The following PACSIN2 variants were observed in gnomAD, a reference collection of about 807,000 sequenced individuals.
PACSIN2 encodes the protein protein kinase C and casein kinase substrate in neurons 2.
Under a neutral mutation model 63.8 loss-of-function variants are expected in PACSIN2, and 25 were observed. The ratio of observed to expected loss-of-function variants is 0.39; its 90% confidence interval spans 0.29 to 0.55. The LOEUF is 0.55. Among genes scored for constraint, PACSIN2 ranks in the 20% least tolerant of loss-of-function variants. The pLI is 0.62. For missense variants in PACSIN2, 518 were observed against 646.9 expected (o/e 0.80, Z 2.16); for synonymous variants, 255 against 256.2 (o/e 1.00, Z 0.05).
chr22:42,909,357 T>G (rs190056596), intron 2 of PACSIN2: 679 of 351,180 alleles, frequency 1.9e-3, no homozygotes, highest in Non-Finnish European at 2.8e-3. Context: ...AAAAAACTTT[T>G]CCACCTCAAG....
intron 1 of PACSIN2, among the ~76,000 whole-genome samples, chr22:42,987,449 A>AACACACACACAC (rs745523623): frequency 4.6e-5 from 4 of 87,090 alleles, no homozygotes; most frequent in Non-Finnish European, 6.4e-5. Context: ...GTCCAGGAGC[A>AACACACACACAC]ACACACACAC....
chr22:42,973,990 G>A (rs1921507778), intron 1 of PACSIN2, among the ~76,000 whole-genome samples: 1 of 152,192 alleles, frequency 6.6e-6, no homozygotes, highest in African/African-American at 2.4e-5. Flanking sequence ...CAGCCCACGA[G>A]CTGTGGAATC....
At chr22:42,884,786 G>A (rs527290996) in intron 5 of PACSIN2, among the ~76,000 whole-genome samples, 2 of 152,372 alleles carry the variant, frequency 1.3e-5, no homozygotes, top group African/African-American at 4.8e-5. Flanking sequence ...GGCCCAGACA[G>A]GTAGATGCCG....
At chr22:42,931,675 A>C (rs888511270) in intron 1 of PACSIN2, among the ~76,000 whole-genome samples, 3 of 152,240 alleles carry the variant, frequency 2.0e-5, no homozygotes, top group African/African-American at 2.4e-5. Flanking sequence ...CATAATGTGT[A>C]ATCTTCCAGC....
At position 42,890,944 on chromosome 22, in the gene PACSIN2, T is replaced by C; in HGVS notation, c.453+3A>G. The C allele has an allele frequency of 1.2e-6, 2 of 1,612,846 alleles. No homozygotes were observed. Among genetic ancestry groups the C allele is most frequent in the Non-Finnish European group, 1.7e-6 (2 of 1,178,912 alleles). ...GGCAGGGAAGCCTGCAGGACAGATG[T>C]ACCTCTTTCAGCTTCTTGGCCCAGG... On this transcript the variant is annotated splice_donor_region_variant and intron_variant, in intron 4 of 10. Coordinates refer to ENST00000263246, the MANE Select transcript of PACSIN2 (RefSeq NM_001184970.3).
In PACSIN2 at chr22:42,884,532, C is replaced by T. The variant is rs780130960; in HGVS notation, c.639G>A (p.Lys213=). The T allele has an allele frequency of 5.6e-6, 9 of 1,613,932 alleles. No individual in the cohort carries two copies. The highest frequency in any genetic ancestry group is 2.7e-5 in the African/African-American group (2 of 75,024). ...ACTGGGGTGTGCCCTGGTCGAGTTC[C>T]TTCAGGGACTTCTCATACTTCTCTT... ...KTKEKYEKSL[K]ELDQGTPQYM... The change falls in exon 6 of 11, where the codon AAG becomes AAA. Residue 213 remains lysine (K), a synonymous_variant. Transcript: ENST00000263246.
chr22:42,878,923 CCCACAGAGCT>C (rs1928853634), intron 8 of PACSIN2, 115 bp downstream of exon 8: 11 of 1,138,568 alleles, frequency 9.7e-6, no homozygotes, highest in Admixed American at 2.6e-5. Context: ...TGGGCCACGG[CCCACAGAGCT>C]CAGGAGCCCA....
At chr22:42,904,459 G>C (rs1569248984) in intron 2 of PACSIN2, among the ~76,000 whole-genome samples, 1 of 152,228 alleles carries the variant, frequency 6.6e-6, no homozygotes, top group African/African-American at 2.4e-5. Context: ...GCATCACCTT[G>C]CTGGAAGAGC....
chr22:43,005,567 C>T (rs1341124252), intron 1 of PACSIN2, among the ~76,000 whole-genome samples: 2 of 152,238 alleles, frequency 1.3e-5, no homozygotes, highest in African/African-American at 4.8e-5. Flanking sequence ...CACCAATGAC[C>T]TGCGACTACA....
At chr22:42,962,110 T>C (rs977215777) in intron 1 of PACSIN2, among the ~76,000 whole-genome samples, 2 of 151,688 alleles carry the variant, frequency 1.3e-5, no homozygotes, top group African/African-American at 4.8e-5. Flanking sequence ...GCCAACATGG[T>C]GAAACCCCGT....
chr22:42,939,406 G>A (rs1397469875), intron 1 of PACSIN2, among the ~76,000 whole-genome samples: 3 of 152,154 alleles, frequency 2.0e-5, no homozygotes, highest in Admixed American at 2.0e-4. Context: ...ATATTAACAT[G>A]AGAATTCAAA....
At chr22:42,878,688 G>A (rs1239137335) in intron 8 of PACSIN2, among the ~76,000 whole-genome samples, 1 of 152,218 alleles carries the variant, frequency 6.6e-6, no homozygotes, top group East Asian at 1.9e-4. Context: ...GAACCAGGGT[G>A]GCACCTCCAC....
chr22:42,875,376 G>A (rs781477397), intron 10 of PACSIN2, among the ~76,000 whole-genome samples: 2 of 151,836 alleles, frequency 1.3e-5, no homozygotes, highest in African/African-American at 2.4e-5. Context: ...TTATTTATTT[G>A]TTTGTTTGTT....
intron 1 of PACSIN2, among the ~76,000 whole-genome samples, chr22:42,996,174 T>C (rs2284096): frequency 0.61 from 92,304 of 151,270 alleles, 28,741 homozygotes; most frequent in East Asian, 0.81. Flanking sequence ...GAGCCGAGAT[T>C]GCACCACTGC....
intron 1 of PACSIN2, among the ~76,000 whole-genome samples, chr22:42,929,527 T>C (rs1932735853): frequency 6.6e-6 from 1 of 152,238 alleles, no homozygotes; most frequent in Non-Finnish European, 1.5e-5. Flanking sequence ...GGCTTGATCC[T>C]GCTTCCAAAG....
chr22:42,939,723 G>A (rs1039889592), intron 1 of PACSIN2, among the ~76,000 whole-genome samples: 12 of 152,190 alleles, frequency 7.9e-5, no homozygotes, highest in African/African-American at 2.7e-4. Flanking sequence ...CTAACTCTAT[G>A]CAGTCACTTC....
At chr22:42,894,343 T>G (rs953990485) in intron 2 of PACSIN2, among the ~76,000 whole-genome samples, 1 of 151,972 alleles carries the variant, frequency 6.6e-6, no homozygotes, top group African/African-American at 2.4e-5. Context: ...CAGGTTCAAG[T>G]GATTCTTCTG....
intron 1 of PACSIN2, among the ~76,000 whole-genome samples, chr22:42,924,534 A>G (rs1216033247): frequency 1.3e-5 from 2 of 152,198 alleles, no homozygotes; most frequent in Admixed American, 1.3e-4. Context: ...GTAAAAGCCC[A>G]GGTCCTCCCA....
At chr22:42,883,416 C>G (rs916391106) in intron 6 of PACSIN2, among the ~76,000 whole-genome samples, 1 of 152,210 alleles carries the variant, frequency 6.6e-6, no homozygotes, top group Admixed American at 6.5e-5. Flanking sequence ...AACAGCAAGC[C>G]TTGACCCGTG....
Sources: allele counts gnomAD v4.1 joint callset (sites outside exome capture counted in the v4.1 genomes callset), GRCh38; gene constraint gnomAD v4.1.1; transcripts MANE v1.5; gene names NCBI Gene and HGNC (gene_info 2026-07-23, HGNC 2026-07-21).